The following SH2D4B variants were observed in gnomAD, a reference collection of about 807,000 sequenced individuals.
SH2D4B encodes SH2 domain containing 4B.
Under a neutral mutation model 61.5 loss-of-function variants are expected in SH2D4B, and 45 were observed. The ratio of observed to expected loss-of-function variants is 0.73; its 90% CI spans 0.58 to 0.94. SH2D4B has a LOEUF of 0.94. SH2D4B is among the 40% of genes least tolerant of loss of function. The pLI is 0.00. For missense variants in SH2D4B, 572 were observed against 574.2 expected, an observed-to-expected ratio of 1.00 and a Z score of 0.04; for synonymous variants, 224 against 220.4, an observed-to-expected ratio of 1.02 and a Z score of -0.14.
In SH2D4B at chr10:80,557,553, C is replaced by G. The variant is rs115905233; in HGVS notation, c.185-12601C>G. Among the ~76,000 whole-genome samples the G allele has an allele frequency of 9.0e-3, 1,369 of 152,236 alleles. 17 individuals carry two copies. Among genetic ancestry groups the G allele is most frequent in the African/African-American group, 0.031 (1,285 of 41,568 alleles). ...GTTCTATAGTGGACATAGAGCTATT[C>G]AAGGTGTATGTTTCTTCTTTAGTGA... On this transcript the variant is annotated intron_variant, in intron 1 of 7. Coordinates refer to ENST00000646907, the MANE Select transcript of SH2D4B (RefSeq NM_001388272.1).
At chr10:80,574,421 C>A (rs115337255) in intron 3 of SH2D4B, among the ~76,000 whole-genome samples, 2,290 of 152,300 alleles carry the variant, frequency 0.015, 57 homozygotes, top group African/African-American at 0.052. Context: ...CAGGCATGAG[C>A]CACTACACCT....
At position 80,634,483 on chromosome 10, in the gene SH2D4B, C is replaced by T. The variant is rs766277193; in HGVS notation, c.1187C>T (p.Thr396Met). ...GVDPNRHATL[T>M]DLVDFHKEEI... is the part of the protein sequence containing the mutation. ...GACCCCAATCGCCATGCAACGCTCA[C>T]GGATCTCGTTGATTTCCATAAGGTA... is the stretch of plus-strand genomic sequence containing the variant. Residue 396 changes from threonine to methionine, a missense_variant, in exon 7 of 8, where the codon ACG (threonine) becomes ATG (methionine). By Grantham distance (81) the Thr-to-Met change is moderately conservative. Transcript: ENST00000646907. The T allele has an allele frequency of 9.7e-6, 15 of 1,550,144 alleles. No individual in the cohort carries two copies. Among genetic ancestry groups the T allele is most frequent in the South Asian group, 2.4e-5 (2 of 84,038 alleles).
At chr10:80,561,704 A>G (rs1218275875) in intron 1 of SH2D4B, among the ~76,000 whole-genome samples, 1 of 152,208 alleles carries the variant, frequency 6.6e-6, no homozygotes, top group Non-Finnish European at 1.5e-5. Flanking sequence ...TAACATGGCT[A>G]ATAAATATCA....
intron 7 of SH2D4B, among the ~76,000 whole-genome samples, chr10:80,640,722 G>A (rs7092721): frequency 1.2e-3 from 182 of 152,200 alleles, no homozygotes; most frequent in African/African-American, 3.9e-3. Context: ...GCTTCCTTGC[G>A]ATGGGTTCAA....
intron 1 of SH2D4B, among the ~76,000 whole-genome samples, chr10:80,542,510 G>C (rs1204013146): frequency 1.3e-5 from 2 of 149,048 alleles, no homozygotes; most frequent in African/African-American, 5.0e-5. Flanking sequence ...CGATTCTCCT[G>C]TCTCAGCCTC....
chr10:80,583,998 T>C (rs184432223), intron 3 of SH2D4B, among the ~76,000 whole-genome samples: 113 of 152,320 alleles, frequency 7.4e-4, no homozygotes, highest in African/African-American at 2.3e-3. Flanking sequence ...TGCAGAAGAA[T>C]GAGAATCAGA....
chr10:80,597,345 T>C (rs1466145881), intron 4 of SH2D4B, among the ~76,000 whole-genome samples: 2 of 152,068 alleles, frequency 1.3e-5, no homozygotes, highest in African/African-American at 4.8e-5. Flanking sequence ...GTTCAATAGG[T>C]AGGTGTGCCA....
chr10:80,619,415 G>A (rs953671934), intron 6 of SH2D4B, among the ~76,000 whole-genome samples: 2 of 152,354 alleles, frequency 1.3e-5, no homozygotes, highest in African/African-American at 4.8e-5. Flanking sequence ...CCAACCGGGA[G>A]TGCTATGGTC....
chr10:80,613,367 C>G (rs763715615), intron 6 of SH2D4B, among the ~76,000 whole-genome samples: 12 of 152,254 alleles, frequency 7.9e-5, no homozygotes, highest in Non-Finnish European at 1.3e-4. Context: ...AGAATGTTCT[C>G]TGTCTGAACA....
At chr10:80,593,796 T>C (rs1293609259) in intron 4 of SH2D4B, among the ~76,000 whole-genome samples, 3 of 152,160 alleles carry the variant, frequency 2.0e-5, no homozygotes, top group Non-Finnish European at 4.4e-5. Context: ...AAATTTTTAG[T>C]CTTTCACTAT....
chr10:80,563,208 A>G (rs1315550458), intron 1 of SH2D4B, among the ~76,000 whole-genome samples: 2 of 152,194 alleles, frequency 1.3e-5, no homozygotes, highest in African/African-American at 4.8e-5. Flanking sequence ...GCCGATGCTG[A>G]ACATTTTTTC....
intron 3 of SH2D4B, among the ~76,000 whole-genome samples, chr10:80,583,387 A>AGC (rs1842206058): frequency 1.3e-5 from 2 of 151,988 alleles, no homozygotes; most frequent in South Asian, 4.2e-4. Flanking sequence ...CAACAGATGG[A>AGC]GCCGGGCGCG....
rs998772318 is a variant in SH2D4B, at chr10:80,645,296, A to G, written c.*1211A>G. 1.3e-5 allele frequency: 2 copies of G among 152,220 alleles called. No homozygotes were observed. Among genetic ancestry groups the G allele is most frequent in the African/African-American group, 4.8e-5 (2 of 41,446 alleles). 9.4% of individuals were successfully genotyped at this position (152,220 alleles called of 1,614,324 possible). ...TCACCTATTCCTTAGATTCTTGGTC[A>G]CTTCTCTACCACAAGCCACCAGCAC... On this transcript the variant is annotated 3_prime_UTR_variant, in exon 8 of 8. Coordinates refer to ENST00000646907, the MANE Select transcript of SH2D4B (RefSeq NM_001388272.1).
At chr10:80,636,503 G>T (rs59402334) in intron 7 of SH2D4B, among the ~76,000 whole-genome samples, 111 of 152,306 alleles carry the variant, frequency 7.3e-4, no homozygotes, top group African/African-American at 2.6e-3. Context: ...ACTGGCATGA[G>T]ATGGTATCTC....
chr10:80,584,231 A>G (rs1473590980), intron 3 of SH2D4B, among the ~76,000 whole-genome samples: 6 of 152,218 alleles, frequency 3.9e-5, no homozygotes, highest in Non-Finnish European at 7.3e-5. Flanking sequence ...AGGGGCTCCA[A>G]CTCAAGGAAG....
intron 4 of SH2D4B, among the ~76,000 whole-genome samples, chr10:80,592,078 C>T (rs1842334822): frequency 6.6e-6 from 1 of 152,036 alleles, no homozygotes; most frequent in African/African-American, 2.4e-5. Context: ...ATTATAAAAG[C>T]CTTTCTAGTG....
At chr10:80,568,681 C>T (rs528396551) in intron 1 of SH2D4B, among the ~76,000 whole-genome samples, 29 of 152,306 alleles carry the variant, frequency 1.9e-4, no homozygotes, top group African/African-American at 4.3e-4. Context: ...CTTGCAATGT[C>T]GGTCCTGGTA....
intron 4 of SH2D4B, among the ~76,000 whole-genome samples, chr10:80,600,521 ATG>A (rs67885510): frequency 0.11 from 13,808 of 127,644 alleles, 934 homozygotes; most frequent in East Asian, 0.34. Context: ...GCAGAGTGGC[ATG>A]TGTGTGTGTG....
chr10:80,610,367 G>T (rs969598749), intron 6 of SH2D4B, among the ~76,000 whole-genome samples: 3 of 152,222 alleles, frequency 2.0e-5, no homozygotes, highest in African/African-American at 4.8e-5. Flanking sequence ...TAAGGAGCTT[G>T]CTTGTTTTCC....
Sources: allele counts gnomAD v4.1 joint callset (sites outside exome capture counted in the v4.1 genomes callset), GRCh38; gene constraint gnomAD v4.1.1; transcripts MANE v1.5; gene names NCBI Gene and HGNC (gene_info 2026-07-23, HGNC 2026-07-21).